IQANK1: variants seen among roughly 807,000 people sequenced by gnomAD.
The protein encoded by IQANK1 is IQ motif and ankyrin repeat containing 1.
IQANK1 carries 30 observed loss-of-function variants against 22.6 expected under a neutral mutation model. That is an observed-to-expected ratio of 1.33 (90% confidence interval 0.99 to 1.80). IQANK1 has a LOEUF of 1.80. Ranked by LOEUF, IQANK1 falls within the 40% of genes most tolerant of loss-of-function variation. The pLI is 0.00. For missense variants in IQANK1, 275 were observed against 235.2 expected (o/e 1.17, Z -1.11); for synonymous variants, 122 against 99.6 (o/e 1.23, Z -1.34).
intron 3 of IQANK1, among the ~76,000 whole-genome samples, chr8:143,740,865 A>T (rs1025822927): frequency 6.6e-6 from 1 of 152,236 alleles, no homozygotes; most frequent in Non-Finnish European, 1.5e-5. Context: ...TAAGAGCCTC[A>T]GGGGTGCGGG....
At chr8:143,754,379 C>T (rs371976528) in intron 3 of IQANK1, among the ~76,000 whole-genome samples, 269 of 152,324 alleles carry the variant, frequency 1.8e-3, no homozygotes, top group African/African-American at 3.7e-3. Flanking sequence ...CCAGGGCTAA[C>T]GCCAAGGTGT....
Position 143,789,414 on chromosome 8 carries a change from G to T in IQANK1, c.994-22G>T. ...GAGGATACTGGCCAGCCTTGCCAGG[G>T]CCTGCCCGTACGCCCACCCAGCTGC... On this transcript the variant is annotated intron_variant, in intron 9 of 13. Transcript: ENST00000527139. 7 of 1,199,664 alleles carry T rather than the reference G, an allele frequency of 5.8e-6. No homozygotes were observed. The South Asian group carries it at 2.5e-4, about 43-fold the overall frequency. The allele number at this position is 1,199,664 out of a possible 1,614,324, so 74.3% of individuals were successfully genotyped here.
At chr8:143,765,185 G>A (rs1164425674) in intron 3 of IQANK1, among the ~76,000 whole-genome samples, 3 of 151,934 alleles carry the variant, frequency 2.0e-5, no homozygotes, top group East Asian at 1.9e-4. Flanking sequence ...GTAAAACCCC[G>A]TCTCTACCAA....
chr8:143,778,147 A>T (rs1427246938), intron 7 of IQANK1, among the ~76,000 whole-genome samples: 2 of 152,040 alleles, frequency 1.3e-5, no homozygotes, highest in African/African-American at 2.4e-5. Context: ...GTGAGCCAAG[A>T]TCGCACCACT....
At chr8:143,743,678 G>A (rs570323694) in intron 3 of IQANK1, among the ~76,000 whole-genome samples, 2 of 152,302 alleles carry the variant, frequency 1.3e-5, no homozygotes, top group African/African-American at 2.4e-5. Context: ...ACCAGAACAC[G>A]AAGCCTGCTT....
intron 7 of IQANK1, among the ~76,000 whole-genome samples, chr8:143,773,467 C>G (rs1037647823): frequency 1.6e-4 from 25 of 152,126 alleles, no homozygotes; most frequent in Non-Finnish European, 2.6e-4. Context: ...CCTCGCCTAC[C>G]TTAGTTTCAT....
At chr8:143,776,350 A>G (rs1253067509) in intron 7 of IQANK1, among the ~76,000 whole-genome samples, 2 of 151,662 alleles carry the variant, frequency 1.3e-5, no homozygotes, top group African/African-American at 2.4e-5. Context: ...AAAAAAGAAA[A>G]AGAAAAAAGA....
rs539115206 is a variant in IQANK1 at position 143,776,138 on chromosome 8, G to A, written c.789+3656G>A. On this transcript the variant is annotated intron_variant, in intron 7 of 13. Coordinates refer to ENST00000527139, the MANE Select transcript of IQANK1 (RefSeq NM_001381874.1). Reference sequence around the variant, plus strand: ...AGATCAAGCCCATCCTGGCTAACACGGTGAAACCCCGTCTCCACTAAAAAT... The same window carrying A: ...AGATCAAGCCCATCCTGGCTAACACAGTGAAACCCCGTCTCCACTAAAAAT... Among the ~76,000 whole-genome samples, 102 of 151,224 alleles carry A rather than the reference G, an allele frequency of 6.7e-4. 1 individual carries two copies. The highest frequency in any genetic ancestry group is 2.3e-3 in the African/African-American group (92 of 40,692).
At position 143,735,930 on chromosome 8, in the gene IQANK1, C is replaced by G; in HGVS notation, c.77C>G (p.Ala26Gly). Residue 26 changes from alanine to glycine, a missense_variant, in exon 2 of 14, where the codon GCT becomes GGT. Transcript: ENST00000527139. This position sits in a 1 kb window ranked among gnomAD's most constrained non-coding sequence, Gnocchi z 5.2. ...CTCCACCCTGGGCCCAAGACAAGAG[C>G]TGCTGCTGGTAAGTGCACCCTCTGA... ...QTLHPGPKTR[A>G]AAGKPGENRP... 1 of 702,646 alleles carries G rather than the reference C, an allele frequency of 1.4e-6. No individual in the cohort carries two copies. Among genetic ancestry groups the G allele is most frequent in the Non-Finnish European group, 2.6e-6 (1 of 384,918 alleles). The allele number at this position is 702,646 out of a possible 1,614,324, so 43.5% of individuals were successfully genotyped here.
intron 3 of IQANK1, among the ~76,000 whole-genome samples, chr8:143,766,829 G>T (rs1055438788): frequency 6.6e-6 from 1 of 152,158 alleles, no homozygotes; most frequent in Non-Finnish European, 1.5e-5. Flanking sequence ...CTTCCGGTGC[G>T]ATCACCAGTC....
chr8:143,749,958 C>T (rs1819155890), intron 3 of IQANK1, among the ~76,000 whole-genome samples: 1 of 150,134 alleles, frequency 6.7e-6, no homozygotes, highest in Non-Finnish European at 1.5e-5. Context: ...TATATAATGT[C>T]CTTCTTTGTC....
chr8:143,764,891 A>G (rs1346104941), intron 3 of IQANK1, among the ~76,000 whole-genome samples: 11 of 152,210 alleles, frequency 7.2e-5, no homozygotes, highest in Admixed American at 6.5e-4. Flanking sequence ...TGTAATATAT[A>G]TGTGCCTTAG....
chr8:143,777,448 G>A (rs1407561470), intron 7 of IQANK1, among the ~76,000 whole-genome samples: 7 of 149,990 alleles, frequency 4.7e-5, no homozygotes, highest in Non-Finnish European at 7.4e-5. Flanking sequence ...CCCGGGAGGC[G>A]GAGGCTGCAG....
chr8:143,755,158 C>A (rs1819267774), intron 3 of IQANK1, among the ~76,000 whole-genome samples: 1 of 152,152 alleles, frequency 6.6e-6, no homozygotes, highest in Non-Finnish European at 1.5e-5. Context: ...CCATAAGATA[C>A]AGTGATATAT....
chr8:143,746,731 T>C (rs1407784662), intron 3 of IQANK1, among the ~76,000 whole-genome samples: 1 of 152,192 alleles, frequency 6.6e-6, no homozygotes, highest in Non-Finnish European at 1.5e-5. Context: ...GCTAGTTATA[T>C]GTCTATTCAG....
chr8:143,788,741 C>T (rs1554631735), intron 7 of IQANK1, among the ~76,000 whole-genome samples, 174 bp from the exon 8 acceptor site: 1 of 152,202 alleles, frequency 6.6e-6, no homozygotes, highest in African/African-American at 2.4e-5. Context: ...GCTTTGGGGA[C>T]AGCAGCCCCA....
At chr8:143,749,249 G>T (rs1445087014) in intron 3 of IQANK1, among the ~76,000 whole-genome samples, 1 of 117,002 alleles carries the variant, frequency 8.5e-6, no homozygotes, top group Non-Finnish European at 1.6e-5. Flanking sequence ...TATCATATAT[G>T]TTATATATGA....
chr8:143,740,795 A>G (rs1554626381), intron 3 of IQANK1, among the ~76,000 whole-genome samples: 1 of 152,082 alleles, frequency 6.6e-6, no homozygotes, highest in African/African-American at 2.4e-5. Context: ...ACCCCGCCCC[A>G]GGTGTCAGGA....
chr8:143,771,447 G>A lies in IQANK1; in HGVS notation c.176-41G>A. The A allele has an allele frequency of 2.5e-6, 1 of 397,012 alleles. No homozygotes were observed. Among genetic ancestry groups the A allele is most frequent in the Non-Finnish European group, 4.4e-6 (1 of 225,096 alleles). 24.6% of individuals were successfully genotyped at this position (397,012 alleles called of 1,614,324 possible). On this transcript the variant is annotated intron_variant, in intron 3 of 13. Transcript: ENST00000527139. The surrounding 1 kb of genome is among the most constrained non-coding windows in gnomAD (Gnocchi z 6.0). ...TCCCAGGGGCGCAGCAGGCGTGGCT[G>A]GAGGCGAGAACGCGCCCCCGTGAGC...
Sources: gnomAD v4.1 joint callset for allele counts (sites outside exome capture counted in the v4.1 genomes callset) on GRCh38, gnomAD v4.1.1 for gene constraint, Gnocchi (gnomAD v3.1) non-coding constraint, MANE v1.5 for transcripts, NCBI Gene and HGNC (gene_info 2026-07-23, HGNC 2026-07-21) for gene names.